The following TBC1D16 variants were observed in gnomAD, a reference collection of about 807,000 sequenced individuals.
TBC1D16 encodes TBC1 domain family member 16.
A neutral mutation model predicts 74.7 loss-of-function variants in TBC1D16; 58 were observed. That is an observed-to-expected ratio of 0.78 (90% CI 0.63 to 0.97). The LOEUF (loss-of-function observed/expected upper bound fraction) is 0.97. TBC1D16 is among the 50% of genes least tolerant of loss of function. The pLI is 0.00. For missense variants in TBC1D16, 1,014 were observed against 1,079.5 expected, an observed-to-expected ratio of 0.94 and a Z score of 0.85; for synonymous variants, 493 against 474.7, an observed-to-expected ratio of 1.04 and a Z score of -0.50.
At chr17:79,991,253 A>T (rs748452392) in intron 3 of TBC1D16, among the ~76,000 whole-genome samples, 1 of 152,218 alleles carries the variant, frequency 6.6e-6, no homozygotes, top group South Asian at 2.1e-4. Context: ...AGCAGGCTGC[A>T]TCTGGCTGTG....
chr17:80,025,119 A>ACACACATACCAT (rs1240816819), intron 1 of TBC1D16, among the ~76,000 whole-genome samples: 3,469 of 20,130 alleles, frequency 0.17, 502 homozygotes, highest in African/African-American at 0.29. Context: ...CAAACACCAC[A>ACACACATACCAT]GACACACACA....
At chr17:80,002,524 G>A (rs1453062641) in intron 3 of TBC1D16, among the ~76,000 whole-genome samples, 1 of 152,196 alleles carries the variant, frequency 6.6e-6, no homozygotes, top group African/African-American at 2.4e-5. Flanking sequence ...CCATGACAGG[G>A]GCCACCCTGA....
chr17:80,010,774 G>C lies in TBC1D16; in HGVS notation c.182-17C>G. On this transcript the variant is annotated splice_polypyrimidine_tract_variant and intron_variant, in intron 2 of 11. Coordinates refer to ENST00000310924, the MANE Select transcript of TBC1D16 (RefSeq NM_019020.4). The surrounding 1 kb of genome is among the most constrained non-coding windows in gnomAD (Gnocchi z 8.8). ...ACAGGTAACCTGTGAGGAGCCAGGG[G>C]GATGGCACGTTAGAGGCCAGGAGGC... The C allele has an allele frequency of 6.8e-7, 1 of 1,469,548 alleles. No homozygotes were observed. 91.0% of individuals were successfully genotyped at this position (1,469,548 alleles called of 1,614,324 possible). A position where few individuals can be genotyped will look rare whatever the true frequency, so the allele number is the denominator to read the frequency against.
At chr17:80,011,842 T>A (rs563463199) in intron 2 of TBC1D16, among the ~76,000 whole-genome samples, 3 of 151,284 alleles carry the variant, frequency 2.0e-5, no homozygotes, top group African/African-American at 4.9e-5. Context: ...AAAAAAAAAA[T>A]TCATCCAAGC....
chr17:79,998,609 C>T lies in TBC1D16; in HGVS notation c.779+11551G>A, dbSNP rs151165648. On this transcript the variant is annotated intron_variant, in intron 3 of 11. Transcript: ENST00000310924. ...GATCACCCACCTCGGCCTCCCAAAG[C>T]GCTGGGATTACAGGTGTGAGCCACC... Among the ~76,000 whole-genome samples, 1,232 of 150,036 alleles carry T rather than the reference C, an allele frequency of 8.2e-3. 17 individuals are homozygous for T. Among genetic ancestry groups the T allele is most frequent in the African/African-American group, 0.028 (1,151 of 40,758 alleles).
chr17:80,010,601 C>A lies in TBC1D16; in HGVS notation c.338G>T (p.Gly113Val). ...GGCTCCTGAGCTCCGGGTGCGCCGG[C>A]CCCGAGGGCGGGGTGCCTTGCGAAC... ...SPVRKAPRPR[G>V]RRTRSSGASH... The change falls in exon 3 of 12, where the codon GGC (glycine) becomes GTC (valine). Residue 113 changes from glycine (G) to valine (V), a missense_variant. Physicochemically the swap from Gly to Val is moderately radical, Grantham distance 109. Coordinates refer to ENST00000310924, the MANE Select transcript of TBC1D16 (RefSeq NM_019020.4). This position sits in a 1 kb window ranked among gnomAD's most constrained non-coding sequence, Gnocchi z 8.8. 2 of 1,587,236 alleles carry A rather than the reference C, an allele frequency of 1.3e-6. No homozygotes were observed. The highest frequency in any genetic ancestry group is 8.6e-7 in the Non-Finnish European group (1 of 1,169,282).
intron 3 of TBC1D16, among the ~76,000 whole-genome samples, chr17:79,978,501 G>A (rs923552352): frequency 6.6e-6 from 1 of 152,268 alleles, no homozygotes; most frequent in South Asian, 2.1e-4. Context: ...CGGCAGGTAG[G>A]AGGAGAGAAT....
chr17:79,950,355 G>C lies in TBC1D16; in HGVS notation c.1257+56C>G, dbSNP rs1000122371. 15 of 1,524,816 alleles carry C rather than the reference G, an allele frequency of 9.8e-6. No homozygotes were observed. The African/African-American group carries it at 1.7e-4, about 17-fold the overall frequency. The allele number at this position is 1,524,816 out of a possible 1,614,324, so 94.5% of individuals were successfully genotyped here. ...CCCCGGCCCTCCTTCCCTCTCGCTCGTTCCCGGTTCCCGGCCGGCTCTCCG... is the reference window on the plus strand; with the variant it reads ...CCCCGGCCCTCCTTCCCTCTCGCTCCTTCCCGGTTCCCGGCCGGCTCTCCG... On this transcript the variant is annotated intron_variant, in intron 6 of 11. Transcript: ENST00000310924. This position sits in a 1 kb window ranked among gnomAD's most constrained non-coding sequence, Gnocchi z 4.6.
In TBC1D16 at chr17:79,937,844, C is replaced by T. The variant is rs968858311; in HGVS notation, c.*3015G>A. ...GCCAGCACGCCCACATCAAAGGTGT[C>T]CCCTCTTCCCAGAGGCCCTGAGCAA... On this transcript the variant is annotated 3_prime_UTR_variant, in exon 12 of 12. Coordinates refer to ENST00000310924, the MANE Select transcript of TBC1D16 (RefSeq NM_019020.4). The T allele has an allele frequency of 6.6e-6, 1 of 152,262 alleles. No homozygotes were observed. Among genetic ancestry groups the T allele is most frequent in the Non-Finnish European group, 1.5e-5 (1 of 68,066 alleles). The allele number at this position is 152,262 out of a possible 1,614,324, so 9.4% of individuals were successfully genotyped here.
intron 3 of TBC1D16, among the ~76,000 whole-genome samples, chr17:79,962,660 G>A (rs113489099): frequency 0.11 from 16,242 of 151,990 alleles, 913 homozygotes; most frequent in African/African-American, 0.13. Flanking sequence ...CAGGCCAGGC[G>A]CGGTGGCTCA....
At position 79,940,767 on chromosome 17, in the gene TBC1D16, C is replaced by T; in HGVS notation, c.*92G>A. 7.2e-7 allele frequency: 1 copy of T among 1,386,638 alleles called. No individual in the cohort carries two copies. The allele number at this position is 1,386,638 out of a possible 1,614,324, so 85.9% of individuals were successfully genotyped here. Reference sequence around the variant, plus strand: ...GCATTTTCCTTAGGTTTCTACCGTCCCCTGTCCCCTTCACGCCCAGCCCCA... The same window carrying T: ...GCATTTTCCTTAGGTTTCTACCGTCTCCTGTCCCCTTCACGCCCAGCCCCA... On this transcript the variant is annotated 3_prime_UTR_variant, in exon 12 of 12. Coordinates refer to ENST00000310924, the MANE Select transcript of TBC1D16 (RefSeq NM_019020.4). The surrounding 1 kb of genome is among the most constrained non-coding windows in gnomAD (Gnocchi z 5.4).
chr17:79,944,979 G>C lies in TBC1D16; in HGVS notation c.1837C>G (p.Leu613Val). ...QMLFCHRWLL[L>V]CFKREFPEAE... ...TCGGGGAACTCCCGCTTGAAGCACA[G>C]AAGGAGCCAGCGGTGGCAGAAGAGC... The change falls in exon 10 of 12, where the codon CTG becomes GTG. Residue 613 changes from leucine (L) to valine (V), a missense_variant. Coordinates refer to ENST00000310924, the MANE Select transcript of TBC1D16 (RefSeq NM_019020.4). This position sits in a 1 kb window ranked among gnomAD's most constrained non-coding sequence, Gnocchi z 7.7. 6.4e-7 allele frequency: 1 copy of C among 1,564,886 alleles called. No individual in the cohort carries two copies. Among genetic ancestry groups the C allele is most frequent in the Non-Finnish European group, 8.7e-7 (1 of 1,154,562 alleles).
chr17:80,011,779 T>C (rs988807568), intron 2 of TBC1D16, among the ~76,000 whole-genome samples: 2 of 151,666 alleles, frequency 1.3e-5, no homozygotes, highest in Admixed American at 6.6e-5. Flanking sequence ...TGAGCCGAGA[T>C]TGCACCACTG....
chr17:80,013,806 G>A (rs576087726), intron 1 of TBC1D16, among the ~76,000 whole-genome samples, 197 bp from the exon 2 acceptor site: 12 of 152,178 alleles, frequency 7.9e-5, no homozygotes, highest in South Asian at 2.1e-4. Flanking sequence ...GCTGAGCAGC[G>A]TCCCTCGCCT....
chr17:79,993,237 TG>T lies in TBC1D16; in HGVS notation c.779+16922del. On this transcript the variant is annotated intron_variant, in intron 3 of 11. Transcript: ENST00000310924. This position sits in a 1 kb window ranked among gnomAD's most constrained non-coding sequence, Gnocchi z 5.1. ...CTTAAAGATCATCTCTGTCACCACC[TG>T]GGGGTAATAAGGTCAGGGATATGCC... is the stretch of plus-strand genomic sequence containing the variant. Among the ~76,000 whole-genome samples, 1 of 152,182 alleles carries T rather than the reference TG, an allele frequency of 6.6e-6. No individual in the cohort carries two copies. Among genetic ancestry groups the T allele is most frequent in the East Asian group, 1.9e-4 (1 of 5,200 alleles).
intron 1 of TBC1D16, among the ~76,000 whole-genome samples, chr17:80,034,250 G>A (rs918687010): frequency 1.3e-5 from 2 of 148,172 alleles, no homozygotes; most frequent in Non-Finnish European, 3.0e-5. Flanking sequence ...CACCCGGGCT[G>A]GGGTGCAGTT....
intron 2 of TBC1D16, among the ~76,000 whole-genome samples, chr17:80,011,523 G>C (rs1396504618): frequency 1.3e-5 from 2 of 152,016 alleles, no homozygotes; most frequent in Non-Finnish European, 1.5e-5. Flanking sequence ...ACTTCATTCT[G>C]TTTCACAAAA....
Position 79,944,521 on chromosome 17 carries a change from G to A in TBC1D16, c.1908+387C>T, listed in dbSNP as rs149313597. On this transcript the variant is annotated intron_variant, in intron 10 of 11. Transcript: ENST00000310924. The surrounding 1 kb of genome is among the most constrained non-coding windows in gnomAD (Gnocchi z 7.7). Reference sequence around the variant, plus strand: ...CTCTGCACAGCAGGGTAACGGGTGAGTCGGCCCTCGTGGCAGGGCGGTCCC... The same window carrying A: ...CTCTGCACAGCAGGGTAACGGGTGAATCGGCCCTCGTGGCAGGGCGGTCCC... 1.6e-4 allele frequency among the ~76,000 whole-genome samples: 25 copies of A among 152,334 alleles called. No individual in the cohort carries two copies. The East Asian group carries it at 4.1e-3, about 25-fold the overall frequency.
rs552108647 is a variant in TBC1D16 at position 80,011,010 on chromosome 17, C to A, written c.182-253G>T. ...GGGGGCACTGGTCCCCAAGCACCGG[C>A]CTGCCATGCGCCTTTCTTTTTGGTT... On this transcript the variant is annotated intron_variant, in intron 2 of 11. Coordinates refer to ENST00000310924, the MANE Select transcript of TBC1D16 (RefSeq NM_019020.4). Among the ~76,000 whole-genome samples the A allele has an allele frequency of 3.3e-5, 5 of 152,240 alleles. No homozygotes were observed. The South Asian group carries it at 8.3e-4, about 25-fold the overall frequency.
Sources: allele counts gnomAD v4.1 joint callset (sites outside exome capture counted in the v4.1 genomes callset), GRCh38; gene constraint gnomAD v4.1.1; non-coding constraint Gnocchi (gnomAD v3.1); transcripts MANE v1.5; gene names NCBI Gene and HGNC (gene_info 2026-07-23, HGNC 2026-07-21).